The following NEBL variants were observed in gnomAD, a reference collection of about 807,000 sequenced individuals.
The protein encoded by NEBL is nebulette.
A neutral mutation model predicts 140.2 loss-of-function variants in NEBL; 122 were observed. That is an observed-to-expected ratio of 0.87 (90% CI 0.75 to 1.01). The LOEUF is 1.01. NEBL is among the 50% of genes least tolerant of loss of function. NEBL has a pLI of 0.00. For synonymous variants in NEBL, 436 were observed against 398.9 expected, an observed-to-expected ratio of 1.09 and a Z score of -1.11; for missense variants, 1,365 against 1,231.3, an observed-to-expected ratio of 1.11 and a Z score of -1.62.
rs1314806566 is a variant in NEBL, at chr10:20,893,312, G to GT, written c.154-3364dup. ...CAAGGGATTGATTAGATAATGTTAG[G>GT]TTAGACTAACAGGAATAAATATGAC... On this transcript the variant is annotated intron_variant, in intron 2 of 27. Transcript: ENST00000377122. 4.6e-5 allele frequency among the ~76,000 whole-genome samples: 7 copies of GT among 152,068 alleles called. No individual in the cohort carries two copies. In the South Asian group the frequency reaches 8.3e-4, roughly 18 times the overall value.
Position 20,808,480 on chromosome 10 carries a change from T to C in NEBL, c.2761+30A>G, listed in dbSNP as rs372268373. On this transcript the variant is annotated intron_variant, in intron 26 of 27. Transcript: ENST00000377122. Reference sequence around the variant, plus strand: ...GTGACACACTTAAAAAATGAATCGATTTTCTTTGTAAGCAGTGAATGTTTG... The same window carrying C: ...GTGACACACTTAAAAAATGAATCGACTTTCTTTGTAAGCAGTGAATGTTTG... The C allele has an allele frequency of 2.0e-5, 32 of 1,611,352 alleles. No homozygotes were observed. In the African/African-American group the frequency reaches 3.2e-4, roughly 16 times the overall value.
At chr10:21,038,347 A>G (rs703106) in intron 2 of NEBL, among the ~76,000 whole-genome samples, 91,115 of 151,270 alleles carry the variant, frequency 0.6, 27,486 homozygotes, top group East Asian at 0.72. Flanking sequence ...TTCTCCTAAT[A>G]CTGTCTCTCC....
chr10:21,013,013 G>C (rs1327280125), intron 3 of NEBL, among the ~76,000 whole-genome samples: 3 of 152,072 alleles, frequency 2.0e-5, no homozygotes, highest in African/African-American at 7.2e-5. Context: ...AAAACATCTT[G>C]GTTATTTTCC....
At chr10:21,006,851 A>G (rs557914971) in intron 3 of NEBL, among the ~76,000 whole-genome samples, 174 of 152,332 alleles carry the variant, frequency 1.1e-3, no homozygotes, top group African/African-American at 4.0e-3. Flanking sequence ...GAAGCAATCA[A>G]ACCATTTTCG....
intron 16 of NEBL, among the ~76,000 whole-genome samples, chr10:20,830,912 TAA>T (rs371760760): frequency 3.1e-4 from 29 of 92,348 alleles, no homozygotes; most frequent in South Asian, 8.8e-4. Context: ...CTCTAAAATT[TAA>T]AAAAAAAAAA....
At chr10:20,808,478 G>C (rs763894192) in intron 26 of NEBL, 32 bp downstream of exon 26, 2 of 1,609,694 alleles carry the variant, frequency 1.2e-6, no homozygotes, top group East Asian at 2.2e-5. Context: ...AAAATGAATC[G>C]ATTTTCTTTG....
chr10:21,131,955 T>C (rs1394481533), intron 2 of NEBL, among the ~76,000 whole-genome samples: 2 of 152,218 alleles, frequency 1.3e-5, no homozygotes, highest in Non-Finnish European at 2.9e-5. Flanking sequence ...TTTTTTATTT[T>C]TGTATATGTA....
chr10:20,987,590 G>A (rs749930872), intron 3 of NEBL, among the ~76,000 whole-genome samples: 12 of 152,114 alleles, frequency 7.9e-5, no homozygotes, highest in Non-Finnish European at 1.8e-4. Context: ...ACTGGAGCAT[G>A]GTGCCAATAG....
chr10:21,232,459 A>C (rs1842278916), intron 3 of NEBL, among the ~76,000 whole-genome samples: 1 of 152,244 alleles, frequency 6.6e-6, no homozygotes, highest in African/African-American at 2.4e-5. Flanking sequence ...ATGAGGAAAT[A>C]ATTGTACAAC....
At chr10:20,789,716 G>A (rs1171753306) in intron 26 of NEBL, among the ~76,000 whole-genome samples, 1 of 151,970 alleles carries the variant, frequency 6.6e-6, no homozygotes, top group East Asian at 1.9e-4. Flanking sequence ...AGCTGTGTGT[G>A]GTGGTGCATG....
intron 1 of NEBL, among the ~76,000 whole-genome samples, chr10:21,254,294 T>C (rs969327378): frequency 6.6e-6 from 1 of 152,028 alleles, no homozygotes; most frequent in Non-Finnish European, 1.5e-5. Context: ...CATTCCACCA[T>C]GCCCAGCTAA....
chr10:20,896,483 CATATATATATATATATATAT>C lies in NEBL; in HGVS notation c.153+455_153+474del, dbSNP rs57289458. 4.7e-3 allele frequency among the ~76,000 whole-genome samples: 416 copies of C among 88,046 alleles called. 15 individuals are homozygous for C. The East Asian group carries it at 0.07, about 15-fold the overall frequency. The allele number at this position is 88,046 out of a possible 152,430, so 57.8% of individuals were successfully genotyped here. The stretch of plus-strand genomic sequence containing the variant: ...CTGAATTGTAAATAAATATTATATG[CATATATATATATATATATAT>C]ATATATATATATATGCATTTTCCTG... On this transcript the variant is annotated intron_variant, in intron 2 of 27. Transcript: ENST00000377122.
intron 4 of NEBL, among the ~76,000 whole-genome samples, chr10:20,907,623 C>T (rs1662045833): frequency 6.6e-6 from 1 of 152,132 alleles, no homozygotes; most frequent in Non-Finnish European, 1.5e-5. Context: ...GAAGTAATGT[C>T]ACCAGGAAGT....
At chr10:21,250,593 C>T (rs1443388312) in intron 2 of NEBL, among the ~76,000 whole-genome samples, 1 of 152,132 alleles carries the variant, frequency 6.6e-6, no homozygotes, top group Non-Finnish European at 1.5e-5. Context: ...GACAGAGCCT[C>T]TCATATCCAG....
In NEBL at chr10:20,924,413, T is replaced by TAAAAAAAAA. The variant is rs71390800; in HGVS notation, c.357+37250_357+37258dup. On this transcript the variant is annotated intron_variant, in intron 4 of 6. Coordinates refer to the NEBL transcript ENST00000417816. ...CTATAGCTCTCGATCAGGCATGAAGTAAAAAAAAAAAAAAAAAAAAAAAAA... is the reference window on the plus strand; with the variant it reads ...CTATAGCTCTCGATCAGGCATGAAGTAAAAAAAAAAAAAAAAAAAAAAAAAAAAAAAAAA... Among the ~76,000 whole-genome samples, 136 of 59,054 alleles carry TAAAAAAAAA rather than the reference T, an allele frequency of 2.3e-3. 7 individuals are homozygous for TAAAAAAAAA. Among genetic ancestry groups the TAAAAAAAAA allele is most frequent in the East Asian group, 3.9e-3 (6 of 1,540 alleles). 38.7% of individuals were successfully genotyped at this position (59,054 alleles called of 152,430 possible).
intron 2 of NEBL, among the ~76,000 whole-genome samples, chr10:21,095,889 G>A (rs1837164315): frequency 6.6e-6 from 1 of 152,106 alleles, no homozygotes; most frequent in Non-Finnish European, 1.5e-5. Flanking sequence ...AGAAAACCTG[G>A]GTTCTGAGCT....
chr10:21,254,939 A>G (rs538761972), intron 1 of NEBL, among the ~76,000 whole-genome samples: 1 of 152,334 alleles, frequency 6.6e-6, no homozygotes, highest in Non-Finnish European at 1.5e-5. Flanking sequence ...GTTGAGGTCC[A>G]AGTTCACATG....
At chr10:20,980,762 G>C (rs1837006640) in intron 3 of NEBL, among the ~76,000 whole-genome samples, 1 of 152,144 alleles carries the variant, frequency 6.6e-6, no homozygotes. Flanking sequence ...CTTCCTGGCT[G>C]CCTTTGTTAA....
intron 2 of NEBL, among the ~76,000 whole-genome samples, chr10:21,162,842 C>G (rs1250058649): frequency 6.6e-6 from 1 of 152,206 alleles, no homozygotes; most frequent in Non-Finnish European, 1.5e-5. Context: ...ACAGATGTGC[C>G]TTAAGGATCA....
Sources: gnomAD v4.1 joint callset for allele counts (sites outside exome capture counted in the v4.1 genomes callset) on GRCh38, gnomAD v4.1.1 for gene constraint, MANE v1.5 for transcripts, NCBI Gene and HGNC (gene_info 2026-07-23, HGNC 2026-07-21) for gene names.